The following EXT2 variants were observed in gnomAD, a reference collection of about 807,000 sequenced individuals.
The protein encoded by EXT2 is exostosin glycosyltransferase 2.
A neutral mutation model predicts 81.6 loss-of-function variants in EXT2; 53 were observed. That is an observed-to-expected ratio of 0.65 (90% confidence interval 0.52 to 0.82). The LOEUF is 0.82. EXT2 is among the 40% of genes least tolerant of loss of function. The pLI, the probability that EXT2 is intolerant of heterozygous loss-of-function variation, is 0.00. For missense variants in EXT2, 774 were observed against 910.2 expected, an observed-to-expected ratio of 0.85 and a Z score of 1.93; for synonymous variants, 320 against 340.0, an observed-to-expected ratio of 0.94 and a Z score of 0.65.
Position 44,220,031 on chromosome 11 carries a change from A to C in EXT2, c.1663-12322A>C, listed in dbSNP as rs1045867272. On this transcript the variant is annotated intron_variant, in intron 10 of 13. Coordinates refer to ENST00000533608, the MANE Select transcript of EXT2 (RefSeq NM_207122.2). This position sits in a 1 kb window ranked among gnomAD's most constrained non-coding sequence, Gnocchi z 4.4. ...TAAAGTCTTTCTTTCTCTTATCTGG[A>C]TGGTGGCCTGTATCCAGAGTGCAGT... Among the ~76,000 whole-genome samples, 2 of 152,040 alleles carry C rather than the reference A, an allele frequency of 1.3e-5. No individual in the cohort carries two copies. Among genetic ancestry groups the C allele is most frequent in the Non-Finnish European group, 2.9e-5 (2 of 68,000 alleles).
intron 7 of EXT2, among the ~76,000 whole-genome samples, chr11:44,139,084 A>G (rs1203955981): frequency 6.8e-6 from 1 of 147,548 alleles, no homozygotes; most frequent in East Asian, 2.0e-4. Context: ...TACATTTTAC[A>G]TCTTGGCATG....
chr11:44,230,221 G>A lies in EXT2; in HGVS notation c.1663-2132G>A, dbSNP rs144896923. Among the ~76,000 whole-genome samples the A allele has an allele frequency of 5.3e-4, 81 of 152,310 alleles. 1 individual carries two copies. The East Asian group carries it at 0.015, about 28-fold the overall frequency. ...CCAGCCAGAAGAAACAGCAAGTGCA[G>A]AGGGCTTGAGGTCTAGTGGTGGCTG... On this transcript the variant is annotated intron_variant, in intron 10 of 13. Coordinates refer to ENST00000533608, the MANE Select transcript of EXT2 (RefSeq NM_207122.2).
chr11:44,251,226 G>A lies in EXT2; in HGVS notation c.*6939G>A, dbSNP rs1159999350. 1.3e-5 allele frequency among the ~76,000 whole-genome samples: 2 copies of A among 151,596 alleles called. No individual in the cohort carries two copies. Among genetic ancestry groups the A allele is most frequent in the Non-Finnish European group, 2.9e-5 (2 of 67,960 alleles). On this transcript the variant is annotated 3_prime_UTR_variant, in exon 14 of 14. Coordinates refer to ENST00000533608, the MANE Select transcript of EXT2 (RefSeq NM_207122.2). ...TCATAGCACCTTCCAGTTGCCAGTT[G>A]TACCCTGGCCCTTCTTTGGAAGTCA...
At chr11:44,096,278 G>A in intron 1 of EXT2, 1 of 1,536,012 alleles carries the variant, frequency 6.5e-7, no homozygotes, top group Non-Finnish European at 8.7e-7. Flanking sequence ...GGGTCCGGTG[G>A]TGGCCTGCGG....
At chr11:44,116,969 C>CTTTTTT (rs555225810) in intron 4 of EXT2, 1 of 137,582 alleles carries the variant, frequency 7.3e-6, no homozygotes, top group Non-Finnish European at 1.6e-5. Context: ...TTTTCACTTT[C>CTTTTTT]TTTTTTTTTT....
intron 8 of EXT2, among the ~76,000 whole-genome samples, chr11:44,182,586 G>A (rs572600046): frequency 2.6e-5 from 4 of 152,202 alleles, no homozygotes; most frequent in African/African-American, 7.2e-5. Flanking sequence ...ATGTTTCTGT[G>A]TACTCTTCAC....
chr11:44,161,902 A>G (rs1954933057), intron 7 of EXT2, among the ~76,000 whole-genome samples: 2 of 152,226 alleles, frequency 1.3e-5, no homozygotes, highest in African/African-American at 2.4e-5. Flanking sequence ...ATTGAGGGAC[A>G]TTCTATATGA....
chr11:44,228,368 C>A (rs1159901457), intron 10 of EXT2, among the ~76,000 whole-genome samples: 2 of 152,122 alleles, frequency 1.3e-5, no homozygotes, highest in Non-Finnish European at 2.9e-5. Context: ...GAGCATTTCC[C>A]CAAGGTAAAA....
At chr11:44,170,358 A>G (rs1419756644) in intron 7 of EXT2, among the ~76,000 whole-genome samples, 1 of 152,208 alleles carries the variant, frequency 6.6e-6, no homozygotes. Context: ...TTAAATGCCT[A>G]TATTAAAAAT....
chr11:44,251,157 C>G lies in EXT2; in HGVS notation c.*6870C>G, dbSNP rs1956135015. Among the ~76,000 whole-genome samples the G allele has an allele frequency of 1.3e-5, 2 of 150,644 alleles. No homozygotes were observed. The highest frequency in any genetic ancestry group is 2.9e-5 in the Non-Finnish European group (2 of 67,850). ...CAAATGAGGGTTCCATTAACTCCAT[C>G]TTGTCTAATGCATGGAGAATTCAAG... On this transcript the variant is annotated 3_prime_UTR_variant, in exon 14 of 14. Transcript: ENST00000533608.
intron 10 of EXT2, among the ~76,000 whole-genome samples, chr11:44,219,485 C>A (rs557492424): frequency 1.3e-5 from 2 of 152,226 alleles, no homozygotes; most frequent in Admixed American, 6.5e-5. Context: ...CAAAGTGAGA[C>A]CCTGTCTCAA....
At chr11:44,225,752 C>G (rs1955831906) in intron 10 of EXT2, among the ~76,000 whole-genome samples, 1 of 152,148 alleles carries the variant, frequency 6.6e-6, no homozygotes, top group Non-Finnish European at 1.5e-5. Flanking sequence ...TTAGACTTGA[C>G]CCAGCACTGT....
At chr11:44,236,807 C>G (rs1955970646) in intron 13 of EXT2, among the ~76,000 whole-genome samples, 1 of 152,154 alleles carries the variant, frequency 6.6e-6, no homozygotes. Flanking sequence ...TATGGAAATG[C>G]CTGCCAAGAA....
intron 10 of EXT2, among the ~76,000 whole-genome samples, chr11:44,218,412 T>C (rs947782484): frequency 3.9e-4 from 60 of 152,174 alleles, no homozygotes; most frequent in African/African-American, 1.4e-3. Flanking sequence ...CTTAGGGTAA[T>C]AGAGGGCCAG....
intron 13 of EXT2, among the ~76,000 whole-genome samples, chr11:44,239,993 A>G (rs1956018255): frequency 6.6e-6 from 1 of 152,162 alleles, no homozygotes; most frequent in African/African-American, 2.4e-5. Flanking sequence ...TAGATTACTT[A>G]CAATCCCTAA....
At chr11:44,140,816 A>G (rs192347294) in intron 7 of EXT2, among the ~76,000 whole-genome samples, 1 of 152,350 alleles carries the variant, frequency 6.6e-6, no homozygotes, top group Admixed American at 6.5e-5. Context: ...ACTACTCTGT[A>G]TACAGCTTTT....
rs2135127641 is a variant in EXT2 at position 44,171,629 on chromosome 11, G to A, written c.1192G>A (p.Ala398Thr). The change falls in exon 8 of 14, where the codon GCG becomes ACG. Residue 398 changes from alanine (A) to threonine (T), a missense_variant. Coordinates refer to ENST00000533608, the MANE Select transcript of EXT2 (RefSeq NM_207122.2). ...TTTATAGGCCCGGTGGTTCTGGGAA[G>A]CGTACTTCCAGTCAATTAAAGCCAT... ...MQRQARWFWE[A>T]YFQSIKAIAL... 1 of 1,614,146 alleles carries A rather than the reference G, an allele frequency of 6.2e-7. No individual in the cohort carries two copies. Among genetic ancestry groups the A allele is most frequent in the Non-Finnish European group, 8.5e-7 (1 of 1,180,030 alleles).
At position 44,105,760 on chromosome 11, in the gene EXT2, T is replaced by C. The variant is rs149519707; in HGVS notation, c.-30-1923T>C. Among the ~76,000 whole-genome samples, 1,049 of 152,334 alleles carry C rather than the reference T, an allele frequency of 6.9e-3. 9 individuals are homozygous for C. The highest frequency in any genetic ancestry group is 0.023 in the African/African-American group (967 of 41,568). On this transcript the variant is annotated intron_variant, in intron 1 of 13. Coordinates refer to ENST00000533608, the MANE Select transcript of EXT2 (RefSeq NM_207122.2). ...CTTGTTTGGTAAGGATCTTAAAATG[T>C]GGTCTACATGGGAACTCTACATTTT...
intron 7 of EXT2, among the ~76,000 whole-genome samples, chr11:44,158,654 G>A (rs1052773202): frequency 6.6e-6 from 1 of 150,926 alleles, no homozygotes; most frequent in African/African-American, 2.4e-5. Flanking sequence ...TAAAAAGAAA[G>A]AATTTTATTT....
Sources: gnomAD v4.1 joint callset for allele counts (sites outside exome capture counted in the v4.1 genomes callset) on GRCh38, gnomAD v4.1.1 for gene constraint, Gnocchi (gnomAD v3.1) non-coding constraint, MANE v1.5 for transcripts, NCBI Gene and HGNC (gene_info 2026-07-23, HGNC 2026-07-21) for gene names.